CLIC4: variants seen among roughly 807,000 people sequenced by gnomAD.
CLIC4 encodes the protein chloride intracellular channel protein 4.
CLIC4 carries 13 observed loss-of-function variants against 24.6 expected under a neutral mutation model. That is an observed-to-expected ratio of 0.53 (90% CI 0.34 to 0.84). CLIC4 has a LOEUF of 0.84. Among genes scored for constraint, CLIC4 ranks in the 40% least tolerant of loss-of-function variants. The probability of loss-of-function intolerance (pLI) is 0.01; values close to 1 mark genes in which losing one functional copy is unlikely to be tolerated. For missense variants in CLIC4, 227 were observed against 301.7 expected (o/e 0.75, Z 1.83); for synonymous variants, 104 against 111.3 (o/e 0.93, Z 0.41).
chr1:24,765,487 T>C (rs763474799), intron 1 of CLIC4, among the ~76,000 whole-genome samples: 2 of 152,202 alleles, frequency 1.3e-5, no homozygotes, highest in Non-Finnish European at 2.9e-5. Flanking sequence ...TGGGCTCAGT[T>C]CATATTTTAG....
intron 4 of CLIC4, among the ~76,000 whole-genome samples, chr1:24,829,511 T>C (rs1639819215): frequency 6.6e-6 from 1 of 152,206 alleles, no homozygotes. Context: ...GGGGATGTAT[T>C]AAGTATGACC....
At chr1:24,801,983 A>G (rs1270344289) in intron 2 of CLIC4, among the ~76,000 whole-genome samples, 1 of 151,888 alleles carries the variant, frequency 6.6e-6, no homozygotes, top group Non-Finnish European at 1.5e-5. Flanking sequence ...TTTTTTTTAT[A>G]CATGTGTACA....
chr1:24,827,858 AT>A (rs1193166872), intron 4 of CLIC4, among the ~76,000 whole-genome samples: 1 of 152,186 alleles, frequency 6.6e-6, no homozygotes, highest in African/African-American at 2.4e-5. Flanking sequence ...TAACTACAGC[AT>A]TTAGTAATTT....
chr1:24,832,136 A>C (rs1043836953), intron 4 of CLIC4, among the ~76,000 whole-genome samples: 2 of 152,120 alleles, frequency 1.3e-5, no homozygotes, highest in Non-Finnish European at 2.9e-5. Context: ...TCAGCTAACT[A>C]TATGCATTAT....
intron 3 of CLIC4, among the ~76,000 whole-genome samples, chr1:24,819,390 G>A (rs72654700): frequency 2.9e-3 from 442 of 151,846 alleles, no homozygotes; most frequent in Non-Finnish European, 5.1e-3. Context: ...AGCTTTATAC[G>A]TCTCAGTAGG....
At chr1:24,749,691 C>T (rs1184972468) in intron 1 of CLIC4, among the ~76,000 whole-genome samples, 1 of 152,134 alleles carries the variant, frequency 6.6e-6, no homozygotes, top group African/African-American at 2.4e-5. Context: ...GCTGTGGTGG[C>T]TCACGCCTGT....
chr1:24,833,835 C>A lies in CLIC4; in HGVS notation c.416-6025C>A, dbSNP rs1210001990. Among the ~76,000 whole-genome samples, 14 of 26,082 alleles carry A rather than the reference C, an allele frequency of 5.4e-4. 4 individuals are homozygous for A. Among genetic ancestry groups the A allele is most frequent in the Admixed American group, 2.8e-3 (14 of 5,060 alleles). The allele number at this position is 26,082 out of a possible 152,430, so 17.1% of individuals were successfully genotyped here. A position where few individuals can be genotyped will look rare whatever the true frequency, so the allele number is the denominator to read the frequency against. On this transcript the variant is annotated intron_variant, in intron 4 of 5. Transcript: ENST00000374379. ...CCGGGGCGGCTGGCCGACCCCCCCC[C>A]CCCCCCCCCGCCTCCCTCCCGGACG...
In CLIC4 at chr1:24,748,492, G is replaced by GT. The variant is rs1360200160; in HGVS notation, c.72+2873dup. Among the ~76,000 whole-genome samples, 308 of 63,170 alleles carry GT rather than the reference G, an allele frequency of 4.9e-3. 7 individuals are homozygous for GT. The highest frequency in any genetic ancestry group is 6.8e-3 in the African/African-American group (139 of 20,580). 41.4% of individuals were successfully genotyped at this position (63,170 alleles called of 152,430 possible). A position where few individuals can be genotyped will look rare whatever the true frequency, so the allele number is the denominator to read the frequency against. On this transcript the variant is annotated intron_variant, in intron 1 of 5. Coordinates refer to ENST00000374379, the MANE Select transcript of CLIC4 (RefSeq NM_013943.3). ...CAAACTTTGCACTGATACAGATCAG[G>GT]TTTTTTGTTTTTTTTTTTTTTTTTT...
chr1:24,826,665 T>C (rs1332594195), intron 3 of CLIC4, among the ~76,000 whole-genome samples: 2 of 152,244 alleles, frequency 1.3e-5, no homozygotes, highest in Non-Finnish European at 2.9e-5. Flanking sequence ...GAAAGTTCTC[T>C]TGGACAGCAC....
intron 1 of CLIC4, among the ~76,000 whole-genome samples, chr1:24,795,392 C>T (rs530786296): frequency 6.6e-6 from 1 of 152,082 alleles, no homozygotes; most frequent in African/African-American, 2.4e-5. Context: ...TATGGTGGTG[C>T]ATGCCTGTAG....
rs1216511096 is a variant in CLIC4 at position 24,766,702 on chromosome 1, C to T, written c.72+21077C>T. Among the ~76,000 whole-genome samples the T allele has an allele frequency of 2.7e-5, 4 of 150,446 alleles. No homozygotes were observed. In the East Asian group the frequency reaches 5.9e-4, roughly 22 times the overall value. On this transcript the variant is annotated intron_variant, in intron 1 of 5. Coordinates refer to ENST00000374379, the MANE Select transcript of CLIC4 (RefSeq NM_013943.3). ...TGTATTTTTAGTAGAGACATAGTTT[C>T]GCTATGTTGGCCAGGCTAGTCTTGA...
intron 1 of CLIC4, among the ~76,000 whole-genome samples, chr1:24,753,501 G>A (rs1350529973): frequency 1.3e-5 from 2 of 152,168 alleles, no homozygotes; most frequent in East Asian, 1.9e-4. Flanking sequence ...TGAAAAAGGA[G>A]GTGAATAGGT....
Position 24,825,854 on chromosome 1 carries a change from C to A in CLIC4, c.309-1156C>A, listed in dbSNP as rs146041149. ...AAGAAAGCTGGCAAGACAATGTCTT[C>A]AAATAAATGAGTTGAAATAATTAGT... On this transcript the variant is annotated intron_variant, in intron 3 of 5. Coordinates refer to ENST00000374379, the MANE Select transcript of CLIC4 (RefSeq NM_013943.3). Among the ~76,000 whole-genome samples, 9 of 152,322 alleles carry A rather than the reference C, an allele frequency of 5.9e-5. No individual in the cohort carries two copies. The East Asian group carries it at 1.7e-3, about 29-fold the overall frequency.
intron 1 of CLIC4, among the ~76,000 whole-genome samples, chr1:24,752,059 G>A (rs1351087396): frequency 1.3e-5 from 2 of 152,104 alleles, no homozygotes; most frequent in Admixed American, 1.3e-4. Context: ...ATAAGAGTCT[G>A]TTTCTTTTGA....
chr1:24,768,915 A>G (rs1639039951), intron 1 of CLIC4, among the ~76,000 whole-genome samples: 1 of 151,282 alleles, frequency 6.6e-6, no homozygotes, highest in Admixed American at 6.6e-5. Flanking sequence ...AAAAAAAAAA[A>G]AAAAAGAAAA....
chr1:24,747,533 CAA>C (rs35626709), intron 1 of CLIC4, among the ~76,000 whole-genome samples: 1 of 92,696 alleles, frequency 1.1e-5, no homozygotes. Context: ...GACTCCATCT[CAA>C]AAAAAAAAAA....
intron 2 of CLIC4, among the ~76,000 whole-genome samples, chr1:24,809,402 G>A (rs958264599): frequency 6.6e-6 from 1 of 152,142 alleles, no homozygotes; most frequent in Non-Finnish European, 1.5e-5. Context: ...TTATAAACTG[G>A]TTATAGATTT....
At chr1:24,777,906 A>G (rs1389060559) in intron 1 of CLIC4, 1 of 152,216 alleles carries the variant, frequency 6.6e-6, no homozygotes, top group Non-Finnish European at 1.5e-5. Flanking sequence ...TTTGTGCGTC[A>G]TTCTTGAACA....
intron 2 of CLIC4, among the ~76,000 whole-genome samples, chr1:24,802,637 A>G (rs1639503428): frequency 1.3e-5 from 2 of 152,026 alleles, no homozygotes; most frequent in African/African-American, 4.8e-5. Context: ...CCTAGTCATC[A>G]ACTTCCCCTT....
Sources: allele counts gnomAD v4.1 joint callset (sites outside exome capture counted in the v4.1 genomes callset), GRCh38; gene constraint gnomAD v4.1.1; transcripts MANE v1.5; gene names NCBI Gene and HGNC (gene_info 2026-07-23, HGNC 2026-07-21).